ZNF251: variants seen among roughly 807,000 people sequenced by gnomAD.
ZNF251 encodes the protein zinc finger protein 251.
ZNF251 carries 14 observed loss-of-function variants against 13.5 expected under a neutral mutation model. The ratio of observed to expected loss-of-function variants is 1.04; its 90% CI spans 0.69 to 1.63. The LOEUF (loss-of-function observed/expected upper bound fraction) is 1.63. Ranked by LOEUF, ZNF251 falls within the 40% of genes most tolerant of loss-of-function variation. The pLI is 0.00. For missense variants in ZNF251, 764 were observed against 834.9 expected (o/e 0.92, Z 1.05); for synonymous variants, 287 against 295.2 (o/e 0.97, Z 0.28).
chr8:144,754,897 G>C, intron 1 of ZNF251, 94 bp from the exon 2 acceptor site: 1 of 1,445,354 alleles, frequency 6.9e-7, no homozygotes, highest in Non-Finnish European at 9.1e-7. Flanking sequence ...TGGCCTCCTG[G>C]GTCGCGGGAG....
chr8:144,753,829 T>C (rs1171141677), intron 3 of ZNF251, 33 bp from the exon 4 acceptor site: 33 of 1,506,932 alleles, frequency 2.2e-5, no homozygotes, highest in Non-Finnish European at 2.8e-5. Flanking sequence ...TGAGCTGGCA[T>C]GGCCCACTGG....
intron 4 of ZNF251, among the ~76,000 whole-genome samples, chr8:144,740,954 CA>C (rs538415506): frequency 8.8e-4 from 133 of 150,432 alleles, no homozygotes; most frequent in South Asian, 2.1e-3. Context: ...AAAAAAGAAA[CA>C]AAAAAAAACC....
At chr8:144,738,491 A>C (rs1441836670) in intron 4 of ZNF251, 10 of 941,138 alleles carry the variant, frequency 1.1e-5, no homozygotes, top group Admixed American at 6.2e-5. Flanking sequence ...GACCAGGCTG[A>C]CCTGACACAC....
intron 1 of ZNF251, chr8:144,755,008 C>T (rs1340633771): frequency 1.9e-5 from 26 of 1,386,770 alleles, no homozygotes; most frequent in Non-Finnish European, 2.2e-5. Flanking sequence ...CAGGGACGCC[C>T]GGCTAAGGGG....
intron 4 of ZNF251, among the ~76,000 whole-genome samples, chr8:144,728,564 G>A (rs1823586509): frequency 1.3e-5 from 2 of 151,278 alleles, no homozygotes; most frequent in Non-Finnish European, 2.9e-5. Flanking sequence ...CCGGGAGGCT[G>A]AGGCAGGAGA....
At chr8:144,745,722 AT>A (rs1458416554) in intron 4 of ZNF251, among the ~76,000 whole-genome samples, 3 of 152,044 alleles carry the variant, frequency 2.0e-5, no homozygotes, top group Admixed American at 1.3e-4. Context: ...AACAAAAAAA[AT>A]TTTTTTGTAG....
intron 4 of ZNF251, among the ~76,000 whole-genome samples, chr8:144,740,587 G>A (rs941618060): frequency 6.6e-6 from 1 of 151,200 alleles, no homozygotes; most frequent in African/African-American, 2.4e-5. Flanking sequence ...ACTGAGCCAA[G>A]ATGGCACCAC....
intron 4 of ZNF251, among the ~76,000 whole-genome samples, chr8:144,738,319 G>A (rs1166535812): frequency 6.6e-6 from 1 of 152,146 alleles, no homozygotes; most frequent in Non-Finnish European, 1.5e-5. Flanking sequence ...CCGTAGAAAG[G>A]CAAACGCTAT....
intron 4 of ZNF251, among the ~76,000 whole-genome samples, chr8:144,742,911 T>C (rs1267190596): frequency 2.6e-5 from 4 of 152,110 alleles, no homozygotes; most frequent in Admixed American, 6.5e-5. Context: ...ATGTGTTTGG[T>C]TGAAAAAAAT....
At chr8:144,744,009 CTTTTTTTT>C (rs1168495446) in intron 4 of ZNF251, among the ~76,000 whole-genome samples, 7 of 88,816 alleles carry the variant, frequency 7.9e-5, no homozygotes, top group Admixed American at 2.6e-4. Context: ...CTCTCGTTGT[CTTTTTTTT>C]TTTTTTTTTT....
intron 4 of ZNF251, among the ~76,000 whole-genome samples, chr8:144,727,454 G>A (rs973763884): frequency 7.2e-5 from 11 of 152,182 alleles, no homozygotes; most frequent in African/African-American, 2.7e-4. Flanking sequence ...AATCATCTTA[G>A]CTAGGTCTTC....
chr8:144,754,048 G>A (rs548538702), intron 3 of ZNF251, 144 bp downstream of exon 3: 12 of 1,268,362 alleles, frequency 9.5e-6, no homozygotes, highest in Non-Finnish European at 1.2e-5. Flanking sequence ...TTTTCCCATG[G>A]GAAATGTTCC....
chr8:144,753,823 C>T (rs1480925016), intron 3 of ZNF251, 27 bp from the exon 4 acceptor site: 2 of 1,527,378 alleles, frequency 1.3e-6, no homozygotes, highest in Non-Finnish European at 1.8e-6. Flanking sequence ...CACTGGTGAG[C>T]TGGCATGGCC....
At chr8:144,753,504 C>A in intron 4 of ZNF251, 179 bp downstream of exon 4, 2 of 555,550 alleles carry the variant, frequency 3.6e-6, no homozygotes, top group South Asian at 2.5e-5. Flanking sequence ...AACAGACCAG[C>A]AAGATAAAAC....
intron 4 of ZNF251, among the ~76,000 whole-genome samples, chr8:144,732,828 A>G (rs1198990829): frequency 6.6e-6 from 1 of 150,682 alleles, no homozygotes; most frequent in Non-Finnish European, 1.5e-5. Context: ...AAAAAAAAAA[A>G]AATACATTGG....
At position 144,731,948 on chromosome 8, in the gene ZNF251, A is replaced by ATTTTTT. The variant is rs59877504; in HGVS notation, c.278-8572_278-8567dup. On this transcript the variant is annotated intron_variant, in intron 4 of 4. Coordinates refer to ENST00000292562, the MANE Select transcript of ZNF251 (RefSeq NM_138367.2). Reference sequence around the variant, plus strand: ...ATAAAGGACATGTCCTGACAGCTGCATTTTTTTTTTTTAAGACAGAGTCTT... The same window carrying ATTTTTT: ...ATAAAGGACATGTCCTGACAGCTGCATTTTTTTTTTTTTTTTTTAAGACAGAGTCTT... 2.8e-3 allele frequency among the ~76,000 whole-genome samples: 397 copies of ATTTTTT among 142,016 alleles called. 3 individuals are homozygous for ATTTTTT. The highest frequency in any genetic ancestry group is 9.6e-3 in the African/African-American group (369 of 38,352). The allele number at this position is 142,016 out of a possible 152,430, so 93.2% of individuals were successfully genotyped here. A position where few individuals can be genotyped will look rare whatever the true frequency, so the allele number is the denominator to read the frequency against.
chr8:144,729,066 C>A (rs1823608816), intron 4 of ZNF251, among the ~76,000 whole-genome samples: 1 of 128,030 alleles, frequency 7.8e-6, no homozygotes, highest in African/African-American at 3.0e-5. Flanking sequence ...CCAGCCTGGG[C>A]GACGAGCAAG....
intron 4 of ZNF251, among the ~76,000 whole-genome samples, chr8:144,725,386 G>T (rs1478275733): frequency 1.3e-5 from 2 of 151,940 alleles, no homozygotes; most frequent in East Asian, 3.9e-4. Flanking sequence ...GAACTCTTGG[G>T]ATCAAGTGCT....
At chr8:144,736,821 A>C (rs1175686006) in intron 4 of ZNF251, among the ~76,000 whole-genome samples, 1 of 147,714 alleles carries the variant, frequency 6.8e-6, no homozygotes, top group Non-Finnish European at 1.5e-5. Flanking sequence ...TTTGAGATGG[A>C]GGTTTTTTTT....
Sources: allele counts gnomAD v4.1 joint callset (sites outside exome capture counted in the v4.1 genomes callset), GRCh38; gene constraint gnomAD v4.1.1; transcripts MANE v1.5; gene names NCBI Gene and HGNC (gene_info 2026-07-23, HGNC 2026-07-21).